ZNF716: variants seen among roughly 807,000 people sequenced by gnomAD.
ZNF716 encodes the protein zinc finger protein 716.
A neutral mutation model predicts 13.4 loss-of-function variants in ZNF716; 9 were observed. The observed-to-expected ratio is 0.67, with a 90% confidence interval of 0.41 to 1.18. The LOEUF (loss-of-function observed/expected upper bound fraction) is 1.18, where lower values mean the gene tolerates loss of function less well. Ranked by LOEUF, ZNF716 falls within the 50% of genes most tolerant of loss-of-function variation. The pLI is 0.01. For synonymous variants in ZNF716, 186 were observed against 195.2 expected (o/e 0.95, Z 0.39); for missense variants, 581 against 576.6 (o/e 1.01, Z -0.08).
Position 57,469,262 on chromosome 7 carries a change from A to G in ZNF716, c.801A>G (p.Lys267=). ...TKHKRIHTGE[K]PYTCEERGKV... ...ATAAGAGAATTCATACTGGAGAGAA[A>G]CCTTACACATGTGAAGAACGTGGCA... is the stretch of plus-strand genomic sequence containing the variant. Residue 267 remains lysine (K), a synonymous_variant, in exon 4 of 4, where the codon AAA becomes AAG. Coordinates refer to ENST00000420713, the MANE Select transcript of ZNF716 (RefSeq NM_001159279.1). 6.3e-7 allele frequency: 1 copy of G among 1,592,974 alleles called. No homozygotes were observed. Among genetic ancestry groups the G allele is most frequent in the Non-Finnish European group, 8.6e-7 (1 of 1,168,220 alleles).
rs2116433205 is a variant in ZNF716 at position 57,473,481 on chromosome 7, C to T, written c.*3532C>T. 6.6e-6 allele frequency: 1 copy of T among 151,608 alleles called. No individual in the cohort carries two copies. The allele number at this position is 151,608 out of a possible 1,614,324, so 9.4% of individuals were successfully genotyped here. ...GTAGCAGTGAGCTGAGATGGTGCTA[C>T]TGCACTCCAGCCTGGGTGAAAGAGC... On this transcript the variant is annotated 3_prime_UTR_variant, in exon 4 of 4. Transcript: ENST00000420713.
At chr7:57,450,874 GATTA>G (rs1444916055) in intron 1 of ZNF716, among the ~76,000 whole-genome samples, 1 of 152,162 alleles carries the variant, frequency 6.6e-6, no homozygotes, top group Non-Finnish European at 1.5e-5. Context: ...AAGCAAACCC[GATTA>G]AATAATTGGT....
rs575680506 is a variant in ZNF716, at chr7:57,455,514, T to TTTTATTTATTTATTTATTTATTTA, written c.39+5207_39+5208insTTTATTTATTTATTTATTTATTTA. Among the ~76,000 whole-genome samples the TTTTATTTATTTATTTATTTATTTA allele has an allele frequency of 2.2e-3, 327 of 151,900 alleles. 8 individuals are homozygous for TTTTATTTATTTATTTATTTATTTA. The East Asian group carries it at 0.056, about 26-fold the overall frequency. ...GGTGAAGACCACAAAGGATGGAGAA[T>TTTTATTTATTTATTTATTTATTTA]TTTATTTATTTATTTATTTAGAGAT... On this transcript the variant is annotated intron_variant, in intron 1 of 3. Transcript: ENST00000420713.
intron 3 of ZNF716, 63 bp from the exon 4 acceptor site, chr7:57,468,661 T>C (rs1296394728): frequency 6.7e-7 from 1 of 1,500,202 alleles, no homozygotes; most frequent in Non-Finnish European, 8.9e-7. Flanking sequence ...ATATATTTGA[T>C]TTGCAAAATA....
intron 1 of ZNF716, among the ~76,000 whole-genome samples, chr7:57,456,479 G>A (rs782007845): frequency 5.9e-5 from 9 of 152,030 alleles, no homozygotes; most frequent in Non-Finnish European, 1.3e-4. Flanking sequence ...TGCTGACTCC[G>A]GGTGGTATCA....
At chr7:57,467,347 T>C (rs1317817900) in intron 3 of ZNF716, among the ~76,000 whole-genome samples, 1 of 151,840 alleles carries the variant, frequency 6.6e-6, no homozygotes, top group African/African-American at 2.4e-5. Flanking sequence ...TGTATTTTTT[T>C]CATCATGTAA....
intron 1 of ZNF716, 99 bp from the exon 2 acceptor site, chr7:57,462,361 A>T: frequency 7.2e-7 from 1 of 1,393,686 alleles, no homozygotes; most frequent in Non-Finnish European, 1.0e-6. Context: ...TTACTCTCTT[A>T]TTTAACATGA....
At position 57,473,436 on chromosome 7, in the gene ZNF716, C is replaced by G. The variant is rs1230229435; in HGVS notation, c.*3487C>G. On this transcript the variant is annotated 3_prime_UTR_variant, in exon 4 of 4. Coordinates refer to ENST00000420713, the MANE Select transcript of ZNF716 (RefSeq NM_001159279.1). Reference sequence around the variant, plus strand: ...TCAGGAGGCTGAGGCAGGAGAATTGCTTGAACCTCGGAGGTGGAGGTAGCA... The same window carrying G: ...TCAGGAGGCTGAGGCAGGAGAATTGGTTGAACCTCGGAGGTGGAGGTAGCA... The G allele has an allele frequency of 6.6e-6, 1 of 152,008 alleles. No homozygotes were observed. Among genetic ancestry groups the G allele is most frequent in the East Asian group, 1.9e-4 (1 of 5,180 alleles). The allele number at this position is 152,008 out of a possible 1,614,324, so 9.4% of individuals were successfully genotyped here.
intron 1 of ZNF716, among the ~76,000 whole-genome samples, chr7:57,452,999 T>C (rs73345915): frequency 0.036 from 5,454 of 152,200 alleles, 312 homozygotes; most frequent in East Asian, 0.24. Context: ...ATACTCTTCC[T>C]GTAAAATGCT....
intron 1 of ZNF716, among the ~76,000 whole-genome samples, chr7:57,460,727 G>A (rs1485782509): frequency 6.6e-6 from 1 of 152,056 alleles, no homozygotes; most frequent in Non-Finnish European, 1.5e-5. Context: ...AAACACAGTT[G>A]TCTTTGGTAT....
intron 1 of ZNF716, among the ~76,000 whole-genome samples, chr7:57,459,678 T>C (rs1289358058): frequency 3.3e-5 from 5 of 152,150 alleles, no homozygotes; most frequent in Non-Finnish European, 5.9e-5. Context: ...GAGAGTTTAG[T>C]TCAACCTTTG....
chr7:57,462,418 G>A (rs782314626), intron 1 of ZNF716, 42 bp from the exon 2 acceptor site: 16 of 1,595,682 alleles, frequency 1.0e-5, no homozygotes, highest in Non-Finnish European at 1.1e-5. Flanking sequence ...CTGTTTGTGT[G>A]TTCATGAGTG....
At chr7:57,459,575 G>A (rs1554322679) in intron 1 of ZNF716, among the ~76,000 whole-genome samples, 1 of 152,134 alleles carries the variant, frequency 6.6e-6, no homozygotes, top group African/African-American at 2.4e-5. Flanking sequence ...GCCCATTCCT[G>A]GACCCTTTTG....
rs782311074 is a variant in ZNF716, at chr7:57,451,441, A to ATTTTTTTTTT, written c.39+1129_39+1138dup. Among the ~76,000 whole-genome samples the ATTTTTTTTTT allele has an allele frequency of 3.0e-4, 27 of 89,034 alleles. 2 individuals carry two copies. The highest frequency in any genetic ancestry group is 1.2e-3 in the African/African-American group (27 of 21,654). The allele number at this position is 89,034 out of a possible 152,430, so 58.4% of individuals were successfully genotyped here. A position where few individuals can be genotyped will look rare whatever the true frequency, so the allele number is the denominator to read the frequency against. ...CCACAGGAAATTGGTTTTCCCTTGG[A>ATTTTTTTTTT]TTTTTTTTTTTTTTTTTTTTTTTTG... On this transcript the variant is annotated intron_variant, in intron 1 of 3. Transcript: ENST00000420713.
intron 1 of ZNF716, among the ~76,000 whole-genome samples, chr7:57,461,050 A>C (rs1383250419): frequency 2.6e-5 from 4 of 151,910 alleles, no homozygotes; most frequent in Non-Finnish European, 5.9e-5. Context: ...CAGCTGTATC[A>C]CATGAGGTCA....
chr7:57,466,714 C>T lies in ZNF716; in HGVS notation c.263-2010C>T, dbSNP rs139951149. ...CCCAGTCTCAGGCAATTTTTTATAGCAATGCAGAATGAATTAATACACTAT... is the reference window on the plus strand; with the variant it reads ...CCCAGTCTCAGGCAATTTTTTATAGTAATGCAGAATGAATTAATACACTAT... On this transcript the variant is annotated intron_variant, in intron 3 of 3. Coordinates refer to ENST00000420713, the MANE Select transcript of ZNF716 (RefSeq NM_001159279.1). 1.6e-3 allele frequency among the ~76,000 whole-genome samples: 247 copies of T among 152,104 alleles called. 9 individuals are homozygous for T. Among genetic ancestry groups the T allele is most frequent in the Admixed American group, 0.01 (156 of 15,260 alleles).
chr7:57,466,026 G>A (rs1435532565), intron 3 of ZNF716, among the ~76,000 whole-genome samples: 2 of 151,614 alleles, frequency 1.3e-5, no homozygotes, highest in East Asian at 3.9e-4. Flanking sequence ...CACACTCTGG[G>A]GACTGTTGTG....
chr7:57,459,111 A>T (rs1789657860), intron 1 of ZNF716, among the ~76,000 whole-genome samples: 1 of 152,190 alleles, frequency 6.6e-6, no homozygotes, highest in South Asian at 2.1e-4. Flanking sequence ...TTTGTATTGA[A>T]TTATCCTATA....
intron 1 of ZNF716, among the ~76,000 whole-genome samples, chr7:57,462,155 G>C (rs4307285): frequency 0.12 from 15,905 of 127,870 alleles, 1,044 homozygotes; most frequent in East Asian, 0.2. Context: ...AGTGAGCCTC[G>C]GTTTAAAAAA....
Sources: allele counts gnomAD v4.1 joint callset (sites outside exome capture counted in the v4.1 genomes callset), GRCh38; gene constraint gnomAD v4.1.1; transcripts MANE v1.5; gene names NCBI Gene and HGNC (gene_info 2026-07-23, HGNC 2026-07-21).